Variants in HDAC9 observed in about 807,000 individuals in gnomAD.
HDAC9 encodes the protein MEF-2 interacting transcription repressor (MITR) protein.
Under a neutral mutation model 139.4 loss-of-function variants are expected in HDAC9, and 41 were observed. The ratio of observed to expected loss-of-function variants is 0.29; its 90% CI spans 0.23 to 0.38. The LOEUF (loss-of-function observed/expected upper bound fraction) is 0.38. Ranked by LOEUF, HDAC9 falls within the 10% of genes least tolerant of loss-of-function variation. The pLI, the probability that HDAC9 is intolerant of heterozygous loss-of-function variation, is 1.00. For missense variants in HDAC9, 1,147 were observed against 1,297.0 expected (o/e 0.88, Z 1.78); for synonymous variants, 517 against 476.2 (o/e 1.09, Z -1.12).
At chr7:18,429,877 A>G (rs1790479613) in intron 1 of HDAC9, among the ~76,000 whole-genome samples, 1 of 152,244 alleles carries the variant, frequency 6.6e-6, no homozygotes, top group South Asian at 2.1e-4. Context: ...TGATTGAAAT[A>G]CTAAAGCAAT....
At chr7:18,474,103 A>G (rs958530756) in intron 1 of HDAC9, among the ~76,000 whole-genome samples, 32 of 152,218 alleles carry the variant, frequency 2.1e-4, no homozygotes, top group Non-Finnish European at 4.3e-4. Context: ...TTTCCGTCCA[A>G]TGCTGATTGT....
intron 8 of HDAC9, among the ~76,000 whole-genome samples, chr7:18,641,222 A>G (rs1785499695): frequency 6.6e-6 from 1 of 152,132 alleles, no homozygotes; most frequent in South Asian, 2.1e-4. Context: ...AATTACAAAT[A>G]TTATTTATGA....
chr7:18,873,618 G>A (rs987999902), intron 21 of HDAC9, among the ~76,000 whole-genome samples: 1 of 152,132 alleles, frequency 6.6e-6, no homozygotes, highest in Non-Finnish European at 1.5e-5. Flanking sequence ...AACCACACAA[G>A]AGTGATTGTA....
chr7:18,106,850 T>A (rs1356101962), intron 1 of HDAC9, among the ~76,000 whole-genome samples: 2 of 152,170 alleles, frequency 1.3e-5, no homozygotes, highest in East Asian at 3.9e-4. Flanking sequence ...ATATTTCACC[T>A]CTCCTGGAAT....
intron 25 of HDAC9, among the ~76,000 whole-genome samples, chr7:18,981,893 C>G (rs1045196274): frequency 1.3e-5 from 2 of 151,800 alleles, no homozygotes; most frequent in Non-Finnish European, 2.9e-5. Flanking sequence ...CATGAACAAT[C>G]AACTATAATA....
intron 2 of HDAC9, among the ~76,000 whole-genome samples, chr7:18,582,618 G>C (rs1448897980): frequency 5.9e-5 from 9 of 152,040 alleles, no homozygotes; most frequent in Middle Eastern, 6.8e-3. Context: ...TGAATGCGTA[G>C]CTTTTCTACC....
At chr7:18,995,780 T>C (rs569984422) in intron 25 of HDAC9, among the ~76,000 whole-genome samples, 1 of 152,330 alleles carries the variant, frequency 6.6e-6, no homozygotes, top group South Asian at 2.1e-4. Context: ...AATCTAGAGT[T>C]ATAAAATATT....
intron 12 of HDAC9, among the ~76,000 whole-genome samples, chr7:18,676,515 A>G (rs1034314614): frequency 6.6e-6 from 1 of 152,014 alleles, no homozygotes. Flanking sequence ...ACTTTACACT[A>G]TATTTTTAGC....
At chr7:18,812,931 T>C (rs1438904684) in intron 17 of HDAC9, among the ~76,000 whole-genome samples, 2 of 152,058 alleles carry the variant, frequency 1.3e-5, no homozygotes, top group African/African-American at 4.8e-5. Flanking sequence ...CTGCTGCTAA[T>C]ATCATCCAAA....
intron 1 of HDAC9, among the ~76,000 whole-genome samples, chr7:18,343,508 G>C (rs995411133): frequency 1.6e-4 from 25 of 151,788 alleles, no homozygotes; most frequent in Non-Finnish European, 1.0e-4. Flanking sequence ...GGTGTGTTCA[G>C]CTCTGCTGTG....
intron 2 of HDAC9, among the ~76,000 whole-genome samples, chr7:18,224,090 T>G (rs1287391050): frequency 6.6e-6 from 1 of 152,224 alleles, no homozygotes; most frequent in Non-Finnish European, 1.5e-5. Context: ...TGTAGGTATA[T>G]TCCTGGGTTA....
intron 2 of HDAC9, among the ~76,000 whole-genome samples, chr7:18,252,230 C>T (rs1413346469): frequency 1.3e-5 from 2 of 152,076 alleles, no homozygotes; most frequent in African/African-American, 2.4e-5. Context: ...TGCAGTGATC[C>T]TCAAGTCCTG....
At chr7:18,836,471 T>C (rs1404604761) in intron 21 of HDAC9, among the ~76,000 whole-genome samples, 1 of 152,138 alleles carries the variant, frequency 6.6e-6, no homozygotes, top group Admixed American at 6.5e-5. Flanking sequence ...GCAATCTCAT[T>C]TGATGGTAGG....
intron 12 of HDAC9, among the ~76,000 whole-genome samples, chr7:18,722,495 T>C (rs953700811): frequency 1.3e-5 from 2 of 152,122 alleles, no homozygotes; most frequent in African/African-American, 4.8e-5. Flanking sequence ...TGTATAAACA[T>C]GAATAAAATT....
At chr7:18,593,433 T>C (rs1430177531) in intron 5 of HDAC9, among the ~76,000 whole-genome samples, 5 of 152,228 alleles carry the variant, frequency 3.3e-5, no homozygotes, top group African/African-American at 9.6e-5. Flanking sequence ...TGGGAGTCCG[T>C]TGGCACAATC....
chr7:18,947,178 CTTAAAA>C (rs892847720), intron 23 of HDAC9, among the ~76,000 whole-genome samples: 3 of 151,656 alleles, frequency 2.0e-5, no homozygotes, highest in East Asian at 1.9e-4. Context: ...AAGAAGAAAA[CTTAAAA>C]TTAATGTTTA....
chr7:18,281,542 G>T (rs534468474), intron 2 of HDAC9, among the ~76,000 whole-genome samples: 1 of 152,136 alleles, frequency 6.6e-6, no homozygotes, highest in Admixed American at 6.5e-5. Flanking sequence ...AATAGCCTAC[G>T]ATTTGACTCC....
At chr7:18,151,850 A>T (rs1377878178) in intron 1 of HDAC9, 1 of 152,232 alleles carries the variant, frequency 6.6e-6, no homozygotes, top group Non-Finnish European at 1.5e-5. Flanking sequence ...AGATCATTTA[A>T]TTCACAGAAT....
intron 21 of HDAC9, among the ~76,000 whole-genome samples, chr7:18,855,811 T>G (rs1298537023): frequency 6.6e-6 from 1 of 152,128 alleles, no homozygotes; most frequent in Non-Finnish European, 1.5e-5. Context: ...ACTTGGTCTC[T>G]GTTTCCCAGC....
Sources: gnomAD v4.1 joint callset for allele counts (sites outside exome capture counted in the v4.1 genomes callset) on GRCh38, gnomAD v4.1.1 for gene constraint, MANE v1.5 for transcripts, NCBI Gene and HGNC (gene_info 2026-07-23, HGNC 2026-07-21) for gene names.